Variants in DCC observed in about 807,000 individuals in gnomAD.
DCC encodes DCC netrin 1 receptor, also known as netrin receptor DCC.
In DCC, 58 loss-of-function variants were observed where a neutral mutation model predicts 172.5. That is an observed-to-expected ratio of 0.34 (90% CI 0.27 to 0.42). The LOEUF (loss-of-function observed/expected upper bound fraction) is 0.42. Among genes scored for constraint, DCC ranks in the 10% least tolerant of loss-of-function variants. The pLI is 1.00. For missense variants in DCC, 1,740 were observed against 1,791.0 expected (o/e 0.97, Z 0.51); for synonymous variants, 709 against 644.5 (o/e 1.10, Z -1.52).
At chr18:52,946,468 A>T (rs558055713) in intron 5 of DCC, among the ~76,000 whole-genome samples, 5 of 150,600 alleles carry the variant, frequency 3.3e-5, no homozygotes, top group African/African-American at 7.3e-5. Context: ...TTAAAATGAC[A>T]TTTTTTTTTT....
At chr18:52,429,730 A>G (rs1987557411) in intron 1 of DCC, among the ~76,000 whole-genome samples, 1 of 152,200 alleles carries the variant, frequency 6.6e-6, no homozygotes, top group South Asian at 2.1e-4. Context: ...AAGCTCCATT[A>G]TAACAAATCT....
At chr18:52,805,478 T>C (rs144803578) in intron 2 of DCC, among the ~76,000 whole-genome samples, 1 of 152,114 alleles carries the variant, frequency 6.6e-6, no homozygotes, top group East Asian at 1.9e-4. Context: ...AAGAGACGAA[T>C]GGAGAAGGTA....
At position 52,542,528 on chromosome 18, in the gene DCC, G is replaced by A. The variant is rs924185745; in HGVS notation, c.91+201650G>A. Among the ~76,000 whole-genome samples, 4 of 152,094 alleles carry A rather than the reference G, an allele frequency of 2.6e-5. No individual in the cohort carries two copies. In the East Asian group the frequency reaches 7.8e-4, roughly 29 times the overall value. ...TCAGGGGTAGTTCTTTGGAATTCTA[G>A]TCTAAAAGACCAAGTTGAAGAGCAG... On this transcript the variant is annotated intron_variant, in intron 1 of 28. Transcript: ENST00000442544.
intron 7 of DCC, among the ~76,000 whole-genome samples, chr18:53,153,301 T>C (rs1414398058): frequency 6.6e-6 from 1 of 152,212 alleles, no homozygotes. Flanking sequence ...TTTGAGTAAA[T>C]GTGCTATCTA....
At chr18:53,318,713 T>G (rs932045872) in intron 13 of DCC, among the ~76,000 whole-genome samples, 2 of 151,878 alleles carry the variant, frequency 1.3e-5, no homozygotes, top group African/African-American at 4.8e-5. Flanking sequence ...TCTTGTTTCA[T>G]TGATCACTTT....
intron 12 of DCC, among the ~76,000 whole-genome samples, chr18:53,238,945 C>CA (rs1244333292): frequency 1.4e-5 from 2 of 146,944 alleles, no homozygotes. Flanking sequence ...ATCGCAAGGA[C>CA]AAAAAACCAA....
chr18:53,120,949 T>A (rs1197065595), intron 7 of DCC, among the ~76,000 whole-genome samples: 1 of 151,900 alleles, frequency 6.6e-6, no homozygotes, highest in Non-Finnish European at 1.5e-5. Flanking sequence ...AAGACTATGA[T>A]GATTAATGGA....
At chr18:52,422,539 A>G (rs1030364179) in intron 1 of DCC, among the ~76,000 whole-genome samples, 2 of 152,212 alleles carry the variant, frequency 1.3e-5, no homozygotes, top group African/African-American at 4.8e-5. Flanking sequence ...AAGGAAGGAT[A>G]TACAAACTAC....
chr18:52,863,162 A>G lies in DCC; in HGVS notation c.413-42882A>G, dbSNP rs186823232. Among the ~76,000 whole-genome samples the G allele has an allele frequency of 2.6e-3, 396 of 152,108 alleles. 1 individual carries two copies. Among genetic ancestry groups the G allele is most frequent in the African/African-American group, 8.8e-3 (365 of 41,546 alleles). ...CAACTTTTAAAAACCTTTAGCCAGA[A>G]TTACTATTCCCTTAATGAAAACCAC... On this transcript the variant is annotated intron_variant, in intron 2 of 28. Transcript: ENST00000442544.
In DCC at chr18:53,141,707, G is replaced by T. The variant is rs183646823; in HGVS notation, c.1262-15649G>T. The stretch of plus-strand genomic sequence containing the variant: ...TACTCTTCAGTAATTTTTATGTTTT[G>T]TTTTGTAGCTTTCTTGTGGTACATT... On this transcript the variant is annotated intron_variant, in intron 7 of 28. Coordinates refer to ENST00000442544, the MANE Select transcript of DCC (RefSeq NM_005215.4). Among the ~76,000 whole-genome samples the T allele has an allele frequency of 2.9e-4, 44 of 152,178 alleles. 1 individual carries two copies. The East Asian group carries it at 6.6e-3, about 23-fold the overall frequency.
chr18:52,559,760 T>C (rs765727911), intron 1 of DCC, among the ~76,000 whole-genome samples: 63 of 152,248 alleles, frequency 4.1e-4, no homozygotes, highest in Non-Finnish European at 7.9e-4. Flanking sequence ...AAGTAAATTT[T>C]AAAAGGCTGC....
intron 7 of DCC, among the ~76,000 whole-genome samples, chr18:53,151,805 T>C (rs1424274161): frequency 6.6e-6 from 1 of 152,146 alleles, no homozygotes; most frequent in Non-Finnish European, 1.5e-5. Context: ...TCTTTCCATT[T>C]TGAAAATAAT....
rs1379484125 is a variant in DCC, at chr18:53,402,767, T to C, written c.2828-19T>C. 5 of 1,553,090 alleles carry C rather than the reference T, an allele frequency of 3.2e-6. No individual in the cohort carries two copies. The highest frequency in any genetic ancestry group is 2.2e-5 in the East Asian group (1 of 44,570). ...TTTCACATCCAATGACAAGGCCTTA[T>C]CTCTGTCTCACCTCACAGCCCCCAC... On this transcript the variant is annotated intron_variant, in intron 18 of 28. Transcript: ENST00000442544.
intron 1 of DCC, among the ~76,000 whole-genome samples, chr18:52,534,995 T>G (rs1431993764): frequency 6.6e-6 from 1 of 152,142 alleles, no homozygotes; most frequent in Non-Finnish European, 1.5e-5. Flanking sequence ...GTTGCCCCTT[T>G]ACCACTTTCC....
intron 15 of DCC, among the ~76,000 whole-genome samples, chr18:53,377,386 A>AGAGAGAGAGG (rs1907370978): frequency 2.7e-5 from 4 of 150,180 alleles, no homozygotes; most frequent in Admixed American, 2.7e-4. Flanking sequence ...AGAGAGAGAG[A>AGAGAGAGAGG]GAGGAAGAAG....
chr18:52,541,881 A>ATATATATATATATATATATG (rs1555695220), intron 1 of DCC, among the ~76,000 whole-genome samples: 1 of 133,084 alleles, frequency 7.5e-6, no homozygotes, highest in African/African-American at 2.7e-5. Context: ...GTGTGTATAT[A>ATATATATATATATATATATG]TATATATATA....
intron 1 of DCC, among the ~76,000 whole-genome samples, chr18:52,550,355 A>G (rs2032734630): frequency 6.6e-6 from 1 of 152,026 alleles, no homozygotes; most frequent in Admixed American, 6.6e-5. Context: ...GATTAAAAAA[A>G]ACAAAACTAA....
intron 1 of DCC, among the ~76,000 whole-genome samples, chr18:52,539,135 C>T (rs1003801447): frequency 4.6e-5 from 7 of 152,134 alleles, no homozygotes; most frequent in African/African-American, 1.4e-4. Context: ...AGTCAATGTA[C>T]ATTTTGAGTT....
chr18:53,427,917 T>A (rs868587468), intron 21 of DCC, among the ~76,000 whole-genome samples: 1 of 31,326 alleles, frequency 3.2e-5, no homozygotes, highest in Non-Finnish European at 9.7e-5. Flanking sequence ...TATATAATAA[T>A]ATAATATATA....
Sources: allele counts gnomAD v4.1 joint callset (sites outside exome capture counted in the v4.1 genomes callset), GRCh38; gene constraint gnomAD v4.1.1; transcripts MANE v1.5; gene names NCBI Gene and HGNC (gene_info 2026-07-23, HGNC 2026-07-21).